The following TMEM212 variants were observed in gnomAD, a reference collection of about 807,000 sequenced individuals.
TMEM212 encodes transmembrane protein 212.
In TMEM212, 23 loss-of-function variants were observed where a neutral mutation model predicts 20.5. The ratio of observed to expected loss-of-function variants is 1.12; its 90% CI spans 0.81 to 1.59. TMEM212 has a LOEUF of 1.59. Ranked by LOEUF, TMEM212 falls within the 40% of genes most tolerant of loss-of-function variation. The pLI is 0.00. For synonymous variants in TMEM212, 76 were observed against 81.6 expected, an observed-to-expected ratio of 0.93 and a Z score of 0.37; for missense variants, 211 against 215.0, an observed-to-expected ratio of 0.98 and a Z score of 0.12.
chr3:171,854,128 G>T (rs1289112890), intron 3 of TMEM212, among the ~76,000 whole-genome samples: 2 of 151,932 alleles, frequency 1.3e-5, no homozygotes, highest in African/African-American at 4.8e-5. Context: ...ACAAGACAAG[G>T]GTGCCCACTC....
At position 171,853,512 on chromosome 3, in the gene TMEM212, T is replaced by A; in HGVS notation, c.220-15T>A. 1 of 1,526,662 alleles carries A rather than the reference T, an allele frequency of 6.6e-7. No homozygotes were observed. The highest frequency in any genetic ancestry group is 8.8e-7 in the Non-Finnish European group (1 of 1,141,444). The allele number at this position is 1,526,662 out of a possible 1,614,324, so 94.6% of individuals were successfully genotyped here. ...TTGTTCCCAAAGTAACAATTTATTT[T>A]TGCTTTATTTTCAGGGGGAAGCTAC... On this transcript the variant is annotated splice_polypyrimidine_tract_variant and intron_variant, in intron 2 of 4. Coordinates refer to ENST00000334567, the MANE Select transcript of TMEM212 (RefSeq NM_001164436.2).
Position 171,853,555 on chromosome 3 carries a change from T to C in TMEM212, c.248T>C (p.Leu83Pro). 3.3e-6 allele frequency: 5 copies of C among 1,537,052 alleles called. No homozygotes were observed. The highest frequency in any genetic ancestry group is 4.4e-6 in the Non-Finnish European group (5 of 1,146,758). The part of the protein sequence containing the change: ...LGEATFTFVI[L>P]SIMGCPLHFA... The stretch of plus-strand genomic sequence containing the variant: ...GAAGCTACTTTCACCTTTGTGATTC[T>C]GAGCATTATGGGATGTCCACTTCAT... Residue 83 changes from leucine (L) to proline (P), a missense_variant, in exon 3 of 5, where the codon CTG becomes CCG. Physicochemically the swap from Leu to Pro is moderately conservative, Grantham distance 98 (BLOSUM62 -3). Transcript: ENST00000334567.
intron 1 of TMEM212, among the ~76,000 whole-genome samples, chr3:171,845,753 G>A (rs1420905316): frequency 6.6e-6 from 1 of 152,068 alleles, no homozygotes; most frequent in East Asian, 1.9e-4. Context: ...TTGGTAGGAG[G>A]TCAAAAGCAG....
chr3:171,844,348 T>G (rs1225410600), intron 1 of TMEM212, among the ~76,000 whole-genome samples: 1 of 152,210 alleles, frequency 6.6e-6, no homozygotes, highest in Non-Finnish European at 1.5e-5. Flanking sequence ...CTGTGACGCC[T>G]GACACTACTG....
Position 171,856,699 on chromosome 3 carries a change from C to T in TMEM212, c.580C>T (p.Pro194Ser), listed in dbSNP as rs981733959. The change falls in exon 4 of 5, where the codon CCA (proline) becomes TCA (serine). Residue 194 changes from proline to serine, a missense_variant. By Grantham distance (74) the Pro-to-Ser change is moderately conservative. Coordinates refer to ENST00000334567, the MANE Select transcript of TMEM212 (RefSeq NM_001164436.2). ...LPAGNPNPFS[P>S] ...TGCTGGGAACCCAAACCCTTTTTCA[C>T]CATAAAAGGTAAAATGGTCTGGGGA... 2.9e-6 allele frequency: 2 copies of T among 685,424 alleles called. No individual in the cohort carries two copies. Among genetic ancestry groups the T allele is most frequent in the Non-Finnish European group, 5.3e-6 (2 of 374,858 alleles). The allele number at this position is 685,424 out of a possible 1,614,324, so 42.5% of individuals were successfully genotyped here. A position where few individuals can be genotyped will look rare whatever the true frequency, so the allele number is the denominator to read the frequency against.
chr3:171,844,429 C>T (rs549489212), intron 1 of TMEM212, among the ~76,000 whole-genome samples: 2 of 152,104 alleles, frequency 1.3e-5, no homozygotes, highest in Admixed American at 6.5e-5. Context: ...GCCACTTGGC[C>T]GGGCATGGTG....
intron 3 of TMEM212, among the ~76,000 whole-genome samples, chr3:171,856,118 A>G (rs1365611074): frequency 2.8e-4 from 42 of 152,342 alleles, no homozygotes; most frequent in Non-Finnish European, 1.5e-5. Flanking sequence ...TAACCATTAA[A>G]AAGCAGAATG....
intron 1 of TMEM212, 68 bp from the exon 2 acceptor site, chr3:171,851,914 G>A: frequency 7.3e-7 from 1 of 1,365,874 alleles, no homozygotes; most frequent in East Asian, 2.5e-5. Flanking sequence ...CAAACTGTGA[G>A]ACAGATTGAA....
intron 1 of TMEM212, among the ~76,000 whole-genome samples, chr3:171,847,126 A>G (rs1026813618): frequency 6.6e-6 from 1 of 152,238 alleles, no homozygotes; most frequent in Admixed American, 6.5e-5. Context: ...TTTTGGAGCT[A>G]GGTTATTTAA....
chr3:171,857,366 G>A (rs1406646822), intron 4 of TMEM212, among the ~76,000 whole-genome samples: 8 of 152,106 alleles, frequency 5.3e-5, no homozygotes, highest in Non-Finnish European at 8.8e-5. Context: ...CTACGACCCC[G>A]ATCTGAGGCC....
chr3:171,845,634 T>C (rs1373923250), intron 1 of TMEM212, among the ~76,000 whole-genome samples: 2 of 152,202 alleles, frequency 1.3e-5, no homozygotes, highest in Non-Finnish European at 2.9e-5. Context: ...CTCCAGCACA[T>C]AGTTAATTGG....
intron 1 of TMEM212, among the ~76,000 whole-genome samples, chr3:171,851,402 G>C (rs1252649077): frequency 6.6e-6 from 1 of 152,166 alleles, no homozygotes; most frequent in Non-Finnish European, 1.5e-5. Context: ...TCTTTTGAAA[G>C]GCTGGACACC....
At chr3:171,851,929 T>C (rs547010739) in intron 1 of TMEM212, 53 bp from the exon 2 acceptor site, 8 of 1,484,986 alleles carry the variant, frequency 5.4e-6, no homozygotes, top group East Asian at 2.5e-5. Flanking sequence ...ATTGAACTCT[T>C]TCCAGAGGTA....
At chr3:171,856,927 GTTAA>G in intron 4 of TMEM212, 1 of 367,880 alleles carries the variant, frequency 2.7e-6, no homozygotes, top group Non-Finnish European at 4.9e-6. Context: ...TTTAGGAAAT[GTTAA>G]TTAAACATGC....
chr3:171,846,806 A>T (rs572066695), intron 1 of TMEM212, among the ~76,000 whole-genome samples: 422 of 152,292 alleles, frequency 2.8e-3, no homozygotes, highest in Non-Finnish European at 4.8e-3. Flanking sequence ...GTTCTGTCTG[A>T]TCAGGGTGAA....
At position 171,857,599 on chromosome 3, in the gene TMEM212, T is replaced by C. The variant is rs189126727; in HGVS notation, c.*4-462T>C. 2.3e-3 allele frequency among the ~76,000 whole-genome samples: 348 copies of C among 152,020 alleles called. 2 individuals carry two copies. Among genetic ancestry groups the C allele is most frequent in the African/African-American group, 7.8e-3 (324 of 41,472 alleles). ...ACAGCAAAGAAAACAATCAACAAAA[T>C]GAAAAAGCAGCTTACAGAATTTTCA... On this transcript the variant is annotated intron_variant, in intron 4 of 4. Transcript: ENST00000334567.
intron 2 of TMEM212, among the ~76,000 whole-genome samples, chr3:171,853,121 C>T (rs1434419151): frequency 6.6e-6 from 1 of 152,088 alleles, no homozygotes; most frequent in East Asian, 1.9e-4. Flanking sequence ...AATTTTGCCC[C>T]AGTTGGCTGA....
Position 171,843,526 on chromosome 3 carries a change from T to C in TMEM212, c.143T>C (p.Ile48Thr). Residue 48 changes from isoleucine to threonine, a missense_variant, in exon 1 of 5, where the codon ATC (isoleucine) becomes ACC (threonine). Coordinates refer to ENST00000334567, the MANE Select transcript of TMEM212 (RefSeq NM_001164436.2). ...TGWSVRIACP[I>T]WNGALAITTG... ...TGGAGTGTTCGAATTGCTTGTCCTA[T>C]CTGGAATGGAGCTTTGGTATGAAAA... The C allele has an allele frequency of 1.3e-6, 2 of 1,534,640 alleles. No individual in the cohort carries two copies. The highest frequency in any genetic ancestry group is 8.7e-7 in the Non-Finnish European group (1 of 1,145,716).
intron 1 of TMEM212, among the ~76,000 whole-genome samples, chr3:171,849,089 C>T (rs984018617): frequency 6.6e-6 from 1 of 152,020 alleles, no homozygotes; most frequent in Non-Finnish European, 1.5e-5. Flanking sequence ...AGAACTGGCC[C>T]TCCTTTCAGT....
Sources: gnomAD v4.1 joint callset for allele counts (sites outside exome capture counted in the v4.1 genomes callset) on GRCh38, gnomAD v4.1.1 for gene constraint, MANE v1.5 for transcripts, NCBI Gene and HGNC (gene_info 2026-07-23, HGNC 2026-07-21) for gene names.